NALCN: variants seen among roughly 807,000 people sequenced by gnomAD.
NALCN encodes sodium leak channel, non-selective, also known as sodium leak channel NALCN.
Under a neutral mutation model 225.3 loss-of-function variants are expected in NALCN, and 111 were observed. The ratio of observed to expected loss-of-function variants is 0.49; its 90% CI spans 0.42 to 0.58. The LOEUF is 0.58. Among genes scored for constraint, NALCN ranks in the 20% least tolerant of loss-of-function variants. The pLI, the probability that NALCN is intolerant of heterozygous loss-of-function variation, is 0.00. For missense variants in NALCN, 1,378 were observed against 2,202.4 expected (o/e 0.63, Z 7.49); for synonymous variants, 764 against 769.0 (o/e 0.99, Z 0.11).
At chr13:101,282,599 T>C (rs550822842) in intron 10 of NALCN, among the ~76,000 whole-genome samples, 1 of 152,272 alleles carries the variant, frequency 6.6e-6, no homozygotes, top group East Asian at 1.9e-4. Context: ...TGGTTAATAA[T>C]ACTGTATTGT....
At chr13:101,406,025 AC>A (rs1478836487) in intron 1 of NALCN, among the ~76,000 whole-genome samples, 1 of 152,070 alleles carries the variant, frequency 6.6e-6, no homozygotes, top group Non-Finnish European at 1.5e-5. Context: ...ATAATATCAT[AC>A]ATTTTCAGGC....
intron 6 of NALCN, among the ~76,000 whole-genome samples, chr13:101,353,054 G>A (rs772404220): frequency 1.3e-5 from 2 of 152,056 alleles, no homozygotes; most frequent in Non-Finnish European, 2.9e-5. Flanking sequence ...GCATCTGTAA[G>A]GCTTCATTTT....
At chr13:101,279,554 C>A (rs1308276962) in intron 10 of NALCN, among the ~76,000 whole-genome samples, 4 of 152,166 alleles carry the variant, frequency 2.6e-5, no homozygotes, top group African/African-American at 9.6e-5. Flanking sequence ...CGGTGGCTCA[C>A]GCCTGTAATC....
intron 6 of NALCN, among the ~76,000 whole-genome samples, chr13:101,375,723 CA>C (rs1289844814): frequency 9.9e-5 from 15 of 152,256 alleles, no homozygotes; most frequent in African/African-American, 3.6e-4. Context: ...TATAAATAGA[CA>C]AATTCCTATG....
chr13:101,357,080 A>T (rs1481098108), intron 6 of NALCN, among the ~76,000 whole-genome samples: 1 of 152,244 alleles, frequency 6.6e-6, no homozygotes, highest in African/African-American at 2.4e-5. Context: ...AGCCAGTATC[A>T]TACTGAATGG....
At chr13:101,153,019 C>T (rs2037727194) in intron 15 of NALCN, among the ~76,000 whole-genome samples, 1 of 152,148 alleles carries the variant, frequency 6.6e-6, no homozygotes, top group African/African-American at 2.4e-5. Flanking sequence ...CACTTACACA[C>T]ACACAAACAC....
At chr13:101,351,478 T>C (rs536265274) in intron 6 of NALCN, among the ~76,000 whole-genome samples, 4 of 152,330 alleles carry the variant, frequency 2.6e-5, no homozygotes, top group African/African-American at 9.6e-5. Flanking sequence ...GTTACTAAAA[T>C]TGTTGATAAT....
rs767730169 is a variant in NALCN at position 101,345,368 on chromosome 13, G to A, written c.697C>T (p.Leu233=). The A allele has an allele frequency of 5.0e-6, 8 of 1,613,686 alleles. No homozygotes were observed. In the South Asian group the frequency reaches 7.7e-5, roughly 16 times the overall value. Residue 233 remains leucine, a synonymous_variant, in exon 7 of 44, where the codon CTA becomes TTA. Coordinates refer to ENST00000251127, the MANE Select transcript of NALCN (RefSeq NM_052867.4). ...AIPDTHCSPE[L]EEGYQCPPGF... is the part of the protein sequence containing the mutation. ...GGTGGGCACTGGTAGCCTTCTTCTA[G>A]CTCTGGTGAGCAGTGTGTGTCTGGA...
At chr13:101,303,074 C>CTT (rs1322949268) in intron 7 of NALCN, among the ~76,000 whole-genome samples, 1 of 152,044 alleles carries the variant, frequency 6.6e-6, no homozygotes, top group East Asian at 1.9e-4. Flanking sequence ...AAATTGTAAC[C>CTT]AATTAACTTT....
At chr13:101,098,630 C>T (rs531543024) in intron 27 of NALCN, among the ~76,000 whole-genome samples, 2 of 152,288 alleles carry the variant, frequency 1.3e-5, no homozygotes, top group Non-Finnish European at 2.9e-5. Context: ...ACTGAAGCTT[C>T]GTTGTCTTTA....
intron 7 of NALCN, among the ~76,000 whole-genome samples, chr13:101,311,363 G>T (rs1364405155): frequency 6.6e-6 from 1 of 151,512 alleles, no homozygotes; most frequent in Non-Finnish European, 1.5e-5. Flanking sequence ...TCCTTCTCCT[G>T]CCTAATTGCC....
At chr13:101,225,126 C>A (rs912444217) in intron 13 of NALCN, among the ~76,000 whole-genome samples, 5 of 152,162 alleles carry the variant, frequency 3.3e-5, no homozygotes, top group Admixed American at 2.6e-4. Context: ...AAAAATAACT[C>A]TTCCTATATC....
chr13:101,282,338 A>C (rs2043194725), intron 10 of NALCN, among the ~76,000 whole-genome samples: 1 of 152,182 alleles, frequency 6.6e-6, no homozygotes, highest in South Asian at 2.1e-4. Context: ...TAAAGAAAAA[A>C]ATCCTGCCAT....
At chr13:101,378,679 A>G (rs1765603061) in intron 3 of NALCN, 26 bp from the exon 4 acceptor site, 1 of 1,565,058 alleles carries the variant, frequency 6.4e-7, no homozygotes, top group Non-Finnish European at 8.7e-7. Context: ...ACATGGCATT[A>G]TTAGGCAAAG....
intron 11 of NALCN, among the ~76,000 whole-genome samples, chr13:101,257,554 T>C (rs1031618414): frequency 2.0e-5 from 3 of 152,188 alleles, no homozygotes; most frequent in African/African-American, 7.2e-5. Flanking sequence ...ATTTTTTTTA[T>C]GTGAAAAATG....
Position 101,192,033 on chromosome 13 carries a change from T to C in NALCN, c.1648A>G (p.Ile550Val). ...FPRAFMSMFQ[I>V]LTQEGWVDVM... ...TCCACCCATCCTTCCTGGGTGAGGA[T>C]CTGGAACATGGACATAAATGCCTAA... Residue 550 changes from isoleucine to valine, a missense_variant, in exon 14 of 44, where the codon ATC becomes GTC. Around this residue, in one of 19 missense-constraint regions of NALCN, gnomAD observed 62 missense variants for 143.6 expected, o/e 0.43. Transcript: ENST00000251127. 6.3e-7 allele frequency: 1 copy of C among 1,599,088 alleles called. No homozygotes were observed. The highest frequency in any genetic ancestry group is 8.5e-7 in the Non-Finnish European group (1 of 1,175,830).
At chr13:101,400,568 TGTGTGTGTGTGTGCAC>T (rs1401586362) in intron 1 of NALCN, among the ~76,000 whole-genome samples, 2 of 130,146 alleles carry the variant, frequency 1.5e-5, no homozygotes, top group East Asian at 4.0e-4. Flanking sequence ...TGTGTGTGTG[TGTGTGTGTGTGTGCAC>T]GTGTGTGCGC....
At chr13:101,101,238 T>C (rs2034795520) in intron 26 of NALCN, among the ~76,000 whole-genome samples, 1 of 151,492 alleles carries the variant, frequency 6.6e-6, no homozygotes, top group Non-Finnish European at 1.5e-5. Flanking sequence ...TTATATTTTG[T>C]CTATTTTTTC....
intron 10 of NALCN, among the ~76,000 whole-genome samples, chr13:101,279,880 A>T (rs948099357): frequency 2.4e-5 from 3 of 124,652 alleles, no homozygotes; most frequent in East Asian, 2.9e-4. Flanking sequence ...AATAAATAAA[A>T]AGAAGTGGTA....
Sources: gnomAD v4.1 joint callset for allele counts (sites outside exome capture counted in the v4.1 genomes callset) on GRCh38, gnomAD v4.1.1 for gene constraint, gnomAD v4.1.1 regional missense constraint, MANE v1.5 for transcripts, NCBI Gene and HGNC (gene_info 2026-07-23, HGNC 2026-07-21) for gene names.